The following C2orf49 variants were observed in gnomAD, a reference collection of about 807,000 sequenced individuals.
C2orf49 encodes tRNA-splicing ligase complex subunit ASW.
A neutral mutation model predicts 20.6 loss-of-function variants in C2orf49; 11 were observed. The ratio of observed to expected loss-of-function variants is 0.53; its 90% CI spans 0.34 to 0.88. The LOEUF is 0.88. C2orf49 is among the 40% of genes least tolerant of loss of function. The probability of loss-of-function intolerance (pLI) is 0.02; values close to 1 mark genes in which losing one functional copy is unlikely to be tolerated. For missense variants in C2orf49, 289 were observed against 274.2 expected, an observed-to-expected ratio of 1.05 and a Z score of -0.38; for synonymous variants, 134 against 108.5, an observed-to-expected ratio of 1.24 and a Z score of -1.46.
In C2orf49 at chr2:105,347,148, AAATCTGTACACAT is replaced by A. The variant is rs1679834834; in HGVS notation, c.*1780_*1792del. ...TCATTCTGCCTTTATTCCAAACTGT[AAATCTGTACACAT>A]AAGATAAAACATACTAAGTATTGCA... On this transcript the variant is annotated 3_prime_UTR_variant, in exon 4 of 4. Coordinates refer to ENST00000258457, the MANE Select transcript of C2orf49 (RefSeq NM_024093.3). 6.6e-6 allele frequency: 1 copy of A among 152,214 alleles called. No individual in the cohort carries two copies. The highest frequency in any genetic ancestry group is 6.5e-5 in the Admixed American group (1 of 15,280). 9.4% of individuals were successfully genotyped at this position (152,214 alleles called of 1,614,324 possible). A position where few individuals can be genotyped will look rare whatever the true frequency, so the allele number is the denominator to read the frequency against.
the C2orf49 span, among the ~76,000 whole-genome samples, chr2:105,368,383 G>A: frequency 6.6e-6 from 1 of 152,118 alleles, no homozygotes; most frequent in African/African-American, 2.4e-5. Flanking sequence ...CCAGGCTGGA[G>A]TGCAGTGGTG....
At chr2:105,352,429 G>GTTTTTTTTTTTTTTTTTTTTTGGTT (rs61585149), downstream of C2orf49, among the ~76,000 whole-genome samples, 2 of 80,760 alleles carry the variant, frequency 2.5e-5, no homozygotes, top group African/African-American at 5.1e-5. Context: ...GTTTGTTTGG[G>GTTTTTTTTTTTTTTTTTTTTTGGTT]TTTTTTTTTT....
At chr2:105,366,214 AAAG>A in the C2orf49 span, among the ~76,000 whole-genome samples, 1 of 152,156 alleles carries the variant, frequency 6.6e-6, no homozygotes, top group African/African-American at 2.4e-5. Context: ...TGTCTCAAAA[AAAG>A]AAAAAAAAAA....
At chr2:105,345,067 A>C (rs1679776727) in intron 3 of C2orf49, among the ~76,000 whole-genome samples, 1 of 152,154 alleles carries the variant, frequency 6.6e-6, no homozygotes, top group Admixed American at 6.5e-5. Context: ...TTCTGGTTTA[A>C]TTGGTTCTGT....
chr2:105,378,440 C>A, the C2orf49 span: 1 of 291,256 alleles, frequency 3.4e-6, no homozygotes, highest in Non-Finnish European at 6.7e-6. Flanking sequence ...CCCTGGGAAC[C>A]ATTTCGCCTT....
the C2orf49 span, among the ~76,000 whole-genome samples, chr2:105,381,809 AC>A: frequency 1.8e-3 from 267 of 152,248 alleles, no homozygotes; most frequent in Admixed American, 3.3e-3. Flanking sequence ...CTTAAAAACC[AC>A]CCCAACAAAT....
the C2orf49 span, among the ~76,000 whole-genome samples, chr2:105,371,554 CTCTCTCTCTCT>C: frequency 7.7e-6 from 1 of 129,598 alleles, no homozygotes; most frequent in Admixed American, 7.5e-5. Context: ...AAATCTCTCT[CTCTCTCTCTCT>C]CTCTCTCTCT....
chr2:105,369,986 GC>G, the C2orf49 span, among the ~76,000 whole-genome samples: 1 of 152,230 alleles, frequency 6.6e-6, no homozygotes, highest in Non-Finnish European at 1.5e-5. Context: ...GGTGGCAGGA[GC>G]GTTCCTTCTC....
At position 105,345,508 on chromosome 2, in the gene C2orf49, G is replaced by T; in HGVS notation, c.*137G>T. On this transcript the variant is annotated 3_prime_UTR_variant, in exon 4 of 4. Coordinates refer to ENST00000258457, the MANE Select transcript of C2orf49 (RefSeq NM_024093.3). ...TTTCAAATAGGTTTAAAAAAATAAA[G>T]GATTTATTTTCCTTCCCTTCTTCCC... is the stretch of plus-strand genomic sequence containing the variant. 8.5e-6 allele frequency: 6 copies of T among 706,896 alleles called. No homozygotes were observed. Among genetic ancestry groups the T allele is most frequent in the Non-Finnish European group, 1.4e-5 (6 of 428,218 alleles). The allele number at this position is 706,896 out of a possible 1,614,324, so 43.8% of individuals were successfully genotyped here.
At position 105,345,503 on chromosome 2, in the gene C2orf49, AT is replaced by A. The variant is rs200281889; in HGVS notation, c.*133del. On this transcript the variant is annotated 3_prime_UTR_variant, in exon 4 of 4. Coordinates refer to ENST00000258457, the MANE Select transcript of C2orf49 (RefSeq NM_024093.3). The stretch of plus-strand genomic sequence containing the variant: ...AGAGGTTTCAAATAGGTTTAAAAAA[AT>A]AAAGGATTTATTTTCCTTCCCTTCT... 0.019 allele frequency: 14,019 copies of A among 737,928 alleles called. 152 individuals carry two copies. Among genetic ancestry groups the A allele is most frequent in the Non-Finnish European group, 0.024 (10,736 of 450,278 alleles). The allele number at this position is 737,928 out of a possible 1,614,324, so 45.7% of individuals were successfully genotyped here.
At position 105,348,883 on chromosome 2, in the gene C2orf49, G is replaced by C. The variant is rs1679876936; in HGVS notation, c.*3512G>C. ...TTTATAGTACAACTTTCTATACCTG[G>C]ATTGATTAAGATCAGATGTGATTCG... On this transcript the variant is annotated 3_prime_UTR_variant, in exon 4 of 4. Transcript: ENST00000258457. 6.6e-6 allele frequency: 1 copy of C among 152,076 alleles called. No individual in the cohort carries two copies. Among genetic ancestry groups the C allele is most frequent in the African/African-American group, 2.4e-5 (1 of 41,386 alleles). The allele number at this position is 152,076 out of a possible 1,614,324, so 9.4% of individuals were successfully genotyped here.
chr2:105,372,381 A>G, the C2orf49 span, among the ~76,000 whole-genome samples: 1,626 of 150,276 alleles, frequency 0.011, 21 homozygotes, highest in African/African-American at 0.037. Context: ...GCCCGCCACT[A>G]TGCCCGGCTA....
Position 105,345,683 on chromosome 2 carries a change from C to T in C2orf49, c.*312C>T, listed in dbSNP as rs1467097296. The T allele has an allele frequency of 1.4e-5, 4 of 283,564 alleles. No homozygotes were observed. Among genetic ancestry groups the T allele is most frequent in the African/African-American group, 6.8e-5 (3 of 44,188 alleles). The allele number at this position is 283,564 out of a possible 1,614,324, so 17.6% of individuals were successfully genotyped here. The stretch of plus-strand genomic sequence containing the variant: ...TGCTATAAAGCATCCATTGAATTGG[C>T]CAGGCGCAGTGGCTCACGCCTATAA... On this transcript the variant is annotated 3_prime_UTR_variant, in exon 4 of 4. Transcript: ENST00000258457.
chr2:105,358,235 G>T, the C2orf49 span: 1 of 152,226 alleles, frequency 6.6e-6, no homozygotes, highest in Non-Finnish European at 1.5e-5. Context: ...CCAAATACCA[G>T]TCCCCTTGGG....
At chr2:105,344,620 C>T (rs1020682239) in intron 3 of C2orf49, among the ~76,000 whole-genome samples, 2 of 152,030 alleles carry the variant, frequency 1.3e-5, no homozygotes, top group African/African-American at 4.8e-5. Context: ...TGCTCTGTCT[C>T]CCAGGCTGGA....
At position 105,337,693 on chromosome 2, in the gene C2orf49, C is replaced by T; in HGVS notation, c.99+7C>T. ...TCTCCTCACTCTGGAGCAGGTTGGG[C>T]GCGCCGGATCGGAGGGTGGGCGGGT... On this transcript the variant is annotated splice_region_variant and intron_variant, in intron 1 of 3. Coordinates refer to ENST00000258457, the MANE Select transcript of C2orf49 (RefSeq NM_024093.3). The T allele has an allele frequency of 2.8e-6, 1 of 360,230 alleles. No individual in the cohort carries two copies. The highest frequency in any genetic ancestry group is 4.0e-6 in the Non-Finnish European group (1 of 251,388). 22.3% of individuals were successfully genotyped at this position (360,230 alleles called of 1,614,324 possible). A position where few individuals can be genotyped will look rare whatever the true frequency, so the allele number is the denominator to read the frequency against.
rs1679786819 is a variant in C2orf49, at chr2:105,345,400, T to A, written c.*29T>A. 4 of 1,528,980 alleles carry A rather than the reference T, an allele frequency of 2.6e-6. No homozygotes were observed. The African/African-American group carries it at 5.5e-5, about 21-fold the overall frequency. 94.7% of individuals were successfully genotyped at this position (1,528,980 alleles called of 1,614,324 possible). A position where few individuals can be genotyped will look rare whatever the true frequency, so the allele number is the denominator to read the frequency against. ...AAAGTTTCCAAAAATGTAAATATAC[T>A]GTAACTGTAGTTTTTCAAATATGTT... On this transcript the variant is annotated 3_prime_UTR_variant, in exon 4 of 4. Transcript: ENST00000258457.
the C2orf49 span, chr2:105,361,343 C>T: frequency 6.2e-7 from 1 of 1,614,100 alleles, no homozygotes; most frequent in South Asian, 1.1e-5. Context: ...GGAAGCCACG[C>T]CCCACCAGTG....
At chr2:105,364,693 C>G in the C2orf49 span, among the ~76,000 whole-genome samples, 1 of 152,182 alleles carries the variant, frequency 6.6e-6, no homozygotes, top group Non-Finnish European at 1.5e-5. Context: ...CACAATCACA[C>G]TTTTTTGCTT....
Sources: gnomAD v4.1 joint callset for allele counts (sites outside exome capture counted in the v4.1 genomes callset) on GRCh38, gnomAD v4.1.1 for gene constraint, MANE v1.5 for transcripts, NCBI Gene and HGNC (gene_info 2026-07-23, HGNC 2026-07-21) for gene names.